Variants in WWOX observed in about 807,000 individuals in gnomAD.
WWOX encodes WW domain-containing oxidoreductase.
A neutral mutation model predicts 46.2 loss-of-function variants in WWOX; 69 were observed. That is an observed-to-expected ratio of 1.49 (90% CI 1.23 to 1.82). The LOEUF is 1.82. Among genes scored for constraint, WWOX ranks in the 40% most tolerant of loss-of-function variants. The pLI is 0.00. For synonymous variants in WWOX, 359 were observed against 202.6 expected, an observed-to-expected ratio of 1.77 and a Z score of -6.56; for missense variants, 919 against 542.6, an observed-to-expected ratio of 1.69 and a Z score of -6.89.
At chr16:78,715,086 A>G (rs2142334928) in intron 8 of WWOX, among the ~76,000 whole-genome samples, 1 of 152,142 alleles carries the variant, frequency 6.6e-6, no homozygotes, top group South Asian at 2.1e-4. Flanking sequence ...TTTGAGACCA[A>G]CCTGGGCCAC....
intron 6 of WWOX, among the ~76,000 whole-genome samples, chr16:78,400,989 A>G (rs1429315473): frequency 1.3e-5 from 2 of 152,044 alleles, no homozygotes. Flanking sequence ...TGCCTGGCTA[A>G]TTTTTATTTT....
chr16:79,082,664 C>A (rs926851082), intron 8 of WWOX, among the ~76,000 whole-genome samples: 1 of 152,212 alleles, frequency 6.6e-6, no homozygotes, highest in Non-Finnish European at 1.5e-5. Context: ...GATCCACAGT[C>A]TGCTCTTTTA....
intron 8 of WWOX, chr16:78,825,210 G>T (rs2051617051): frequency 4.9e-6 from 1 of 203,714 alleles, no homozygotes; most frequent in African/African-American, 2.3e-5. Flanking sequence ...TTACTGCACT[G>T]TCCTGACTTG....
chr16:79,064,932 C>A (rs572217402), intron 8 of WWOX, among the ~76,000 whole-genome samples: 6 of 152,214 alleles, frequency 3.9e-5, no homozygotes, highest in Non-Finnish European at 5.9e-5. Flanking sequence ...GTGCAAATGG[C>A]GCCAGGAATC....
intron 5 of WWOX, among the ~76,000 whole-genome samples, chr16:78,189,736 C>T (rs911216770): frequency 6.6e-5 from 10 of 151,480 alleles, no homozygotes; most frequent in African/African-American, 1.7e-4. Flanking sequence ...CTCACTGCAA[C>T]CTCCGCCTCC....
chr16:78,980,801 A>C (rs2046665627), intron 8 of WWOX, among the ~76,000 whole-genome samples: 1 of 152,198 alleles, frequency 6.6e-6, no homozygotes, highest in African/African-American at 2.4e-5. Context: ...TCATCTGGAA[A>C]GGAGGAATAG....
At chr16:79,190,500 G>A (rs935049825) in intron 8 of WWOX, among the ~76,000 whole-genome samples, 1 of 152,290 alleles carries the variant, frequency 6.6e-6, no homozygotes, top group Non-Finnish European at 1.5e-5. Flanking sequence ...GGCCCCAAGA[G>A]AGAGGCCTCA....
intron 8 of WWOX, among the ~76,000 whole-genome samples, chr16:79,047,374 G>A (rs115592033): frequency 0.017 from 2,571 of 152,260 alleles, 75 homozygotes; most frequent in African/African-American, 0.054. Flanking sequence ...ATTTGACAAG[G>A]CCAGAAATAG....
At chr16:78,260,623 G>T (rs1465371813) in intron 5 of WWOX, among the ~76,000 whole-genome samples, 1 of 134,090 alleles carries the variant, frequency 7.5e-6, no homozygotes, top group African/African-American at 2.8e-5. Flanking sequence ...AGCCGAGATT[G>T]CACCACTGCA....
At chr16:78,571,956 A>C (rs1348759124) in intron 8 of WWOX, among the ~76,000 whole-genome samples, 2 of 152,230 alleles carry the variant, frequency 1.3e-5, no homozygotes, top group African/African-American at 4.8e-5. Flanking sequence ...CATAACAAGC[A>C]CTGGAAGGAT....
chr16:78,492,012 A>G (rs7192666), intron 8 of WWOX, among the ~76,000 whole-genome samples: 12,219 of 139,422 alleles, frequency 0.088, 516 homozygotes, highest in African/African-American at 0.1. Context: ...GACACTTGCC[A>G]TTCTCAATGG....
chr16:78,977,659 A>C (rs1307512489), intron 8 of WWOX, among the ~76,000 whole-genome samples: 3 of 152,160 alleles, frequency 2.0e-5, no homozygotes, highest in Admixed American at 6.5e-5. Context: ...CCTCGAAAGA[A>C]GTGCTTAAAG....
intron 8 of WWOX, among the ~76,000 whole-genome samples, chr16:78,569,968 A>G (rs542882900): frequency 6.6e-6 from 1 of 152,314 alleles, no homozygotes; most frequent in African/African-American, 2.4e-5. Context: ...GTGATAAGAG[A>G]TGGTTTCCAT....
chr16:79,201,338 CTTTTCTTTTTT>C (rs2051346520), intron 8 of WWOX, among the ~76,000 whole-genome samples: 2 of 78,718 alleles, frequency 2.5e-5, no homozygotes, highest in African/African-American at 6.8e-5. Context: ...TTTCCTTTTT[CTTTTCTTTTTT>C]TTTTTTTTTT....
chr16:79,211,855 T>C lies in WWOX; in HGVS notation c.*59T>C. 3 of 1,605,944 alleles carry C rather than the reference T, an allele frequency of 1.9e-6. No homozygotes were observed. Among genetic ancestry groups the C allele is most frequent in the Non-Finnish European group, 2.5e-6 (3 of 1,177,018 alleles). On this transcript the variant is annotated 3_prime_UTR_variant, in exon 9 of 9. Transcript: ENST00000566780. ...CCCTGTGTGTGTCCCCTCACGCAAG[T>C]GCCAGGGCTGGGCCCCTTCCAAATG... is the stretch of plus-strand genomic sequence containing the variant.
intron 8 of WWOX, among the ~76,000 whole-genome samples, chr16:79,098,932 G>A (rs1597374509): frequency 6.6e-6 from 1 of 152,140 alleles, no homozygotes; most frequent in African/African-American, 2.4e-5. Flanking sequence ...CTGAGACTGG[G>A]TAATTCATAA....
At chr16:78,892,104 C>A (rs2151229213) in intron 8 of WWOX, 1 of 152,200 alleles carries the variant, frequency 6.6e-6, no homozygotes, top group South Asian at 2.1e-4. Flanking sequence ...TCTCGCTAAA[C>A]ATTGTCACTT....
At chr16:78,928,895 C>T (rs1279059861) in intron 8 of WWOX, among the ~76,000 whole-genome samples, 1 of 152,168 alleles carries the variant, frequency 6.6e-6, no homozygotes, top group Non-Finnish European at 1.5e-5. Flanking sequence ...GTTAAATTTA[C>T]AGTATTTTCC....
chr16:78,985,572 C>G (rs2046768734), intron 8 of WWOX, among the ~76,000 whole-genome samples: 2 of 152,182 alleles, frequency 1.3e-5, no homozygotes, highest in Admixed American at 1.3e-4. Flanking sequence ...AGTTTCAGAC[C>G]AGCCTGACAA....
Sources: gnomAD v4.1 joint callset for allele counts (sites outside exome capture counted in the v4.1 genomes callset) on GRCh38, gnomAD v4.1.1 for gene constraint, MANE v1.5 for transcripts, NCBI Gene and HGNC (gene_info 2026-07-23, HGNC 2026-07-21) for gene names.